FRMD6: variants seen among roughly 807,000 people sequenced by gnomAD.
The protein encoded by FRMD6 is FERM domain containing 6.
Under a neutral mutation model 73.2 loss-of-function variants are expected in FRMD6, and 37 were observed. The observed-to-expected ratio is 0.51, with a 90% CI of 0.39 to 0.66. The LOEUF (loss-of-function observed/expected upper bound fraction) is 0.66. Among genes scored for constraint, FRMD6 ranks in the 30% least tolerant of loss-of-function variants. FRMD6 has a pLI of 0.00. For synonymous variants in FRMD6, 273 were observed against 282.2 expected, an observed-to-expected ratio of 0.97 and a Z score of 0.33; for missense variants, 714 against 780.5, an observed-to-expected ratio of 0.91 and a Z score of 1.02.
At chr14:51,504,168 A>C (rs1056916440) in intron 1 of FRMD6, among the ~76,000 whole-genome samples, 2 of 152,066 alleles carry the variant, frequency 1.3e-5, no homozygotes, top group Admixed American at 1.3e-4. Context: ...TTTAACAGTC[A>C]GGCTACTCTA....
chr14:51,472,673 A>T, the FRMD6 span, among the ~76,000 whole-genome samples: 3 of 150,916 alleles, frequency 2.0e-5, no homozygotes. Context: ...CCTCCTTTTC[A>T]GTTCCTGAAT....
At chr14:51,638,238 C>T (rs765228603) in intron 2 of FRMD6, among the ~76,000 whole-genome samples, 6 of 152,078 alleles carry the variant, frequency 3.9e-5, no homozygotes, top group African/African-American at 7.2e-5. Flanking sequence ...GCTATGATCA[C>T]ACCACTGTAT....
In FRMD6 at chr14:51,722,071, G is replaced by A. The variant is rs767449282; in HGVS notation, c.1483G>A (p.Gly495Arg). 4.4e-5 allele frequency: 71 copies of A among 1,613,948 alleles called. No homozygotes were observed. The highest frequency in any genetic ancestry group is 5.9e-5 in the Non-Finnish European group (70 of 1,180,010). ...EDMLMSRKLNGHSGLIVKEIG... is the reference protein window; with the variant it reads ...EDMLMSRKLNRHSGLIVKEIG... ...CATGCTCATGTCGCGGAAGCTGAATGGACACTCTGGTGAGCTCTTACGGGA... is the reference window on the plus strand; with the variant it reads ...CATGCTCATGTCGCGGAAGCTGAATAGACACTCTGGTGAGCTCTTACGGGA... The change falls in exon 12 of 14, where the codon GGA becomes AGA. Residue 495 changes from glycine to arginine, a missense_variant. Transcript: ENST00000344768.
At chr14:51,588,535 C>T (rs941045072) in intron 2 of FRMD6, among the ~76,000 whole-genome samples, 1 of 152,144 alleles carries the variant, frequency 6.6e-6, no homozygotes, top group African/African-American at 2.4e-5. Flanking sequence ...GCTGAAATAT[C>T]TTCTACATCT....
intron 1 of FRMD6, among the ~76,000 whole-genome samples, chr14:51,535,952 C>T (rs964493095): frequency 6.6e-6 from 1 of 151,570 alleles, no homozygotes; most frequent in African/African-American, 2.4e-5. Context: ...ATCATCTTAT[C>T]ATGTGTTTAT....
At chr14:51,601,919 C>T (rs74052604) in intron 2 of FRMD6, among the ~76,000 whole-genome samples, 11,652 of 152,172 alleles carry the variant, frequency 0.077, 566 homozygotes, top group African/African-American at 0.11. Context: ...GTTGTTCTGC[C>T]TCCCTGATTA....
chr14:51,437,347 A>G, the FRMD6 span, among the ~76,000 whole-genome samples: 137,155 of 152,086 alleles, frequency 0.9, 62,061 homozygotes, highest in Non-Finnish European at 0.92. Flanking sequence ...CTGTCGCCCA[A>G]GCTGGAGTGC....
chr14:51,489,238 C>A (rs1255916020), exon 1 of FRMD6: 2 of 152,270 alleles, frequency 1.3e-5, no homozygotes, highest in East Asian at 3.9e-4. Flanking sequence ...GCACCCCACT[C>A]TGGCACTCAA....
At chr14:51,451,320 T>C in the FRMD6 span, among the ~76,000 whole-genome samples, 1 of 152,192 alleles carries the variant, frequency 6.6e-6, no homozygotes. Context: ...GGGACAGATA[T>C]CTCATGAAGG....
At chr14:51,688,786 AAAATTATTCTGCAAG>A (rs370228737) in intron 1 of FRMD6, among the ~76,000 whole-genome samples, 1 of 152,358 alleles carries the variant, frequency 6.6e-6, no homozygotes, top group Non-Finnish European at 1.5e-5. Flanking sequence ...CTACTGTTTT[AAAATTATTCTGCAAG>A]ATCTCACTAA....
At chr14:51,636,626 T>C (rs2140005211) in intron 2 of FRMD6, among the ~76,000 whole-genome samples, 1 of 152,222 alleles carries the variant, frequency 6.6e-6, no homozygotes, top group South Asian at 2.1e-4. Flanking sequence ...GCTGTCCAAG[T>C]GTTAGTTATC....
intron 1 of FRMD6, among the ~76,000 whole-genome samples, chr14:51,519,285 C>T (rs1884813487): frequency 6.6e-6 from 1 of 151,568 alleles, no homozygotes; most frequent in Admixed American, 6.6e-5. Flanking sequence ...CTGTCTCGAC[C>T]TCCCAAGTAG....
At chr14:51,450,476 C>T in the FRMD6 span, among the ~76,000 whole-genome samples, 1 of 152,122 alleles carries the variant, frequency 6.6e-6, no homozygotes. Flanking sequence ...AGAAGCTCTT[C>T]CAAATGAAGC....
At chr14:51,419,974 G>A in the FRMD6 span, among the ~76,000 whole-genome samples, 1 of 151,620 alleles carries the variant, frequency 6.6e-6, no homozygotes, top group Non-Finnish European at 1.5e-5. Flanking sequence ...GCCCTCGTTA[G>A]GTGTGGTCAT....
intron 1 of FRMD6, among the ~76,000 whole-genome samples, chr14:51,560,487 G>T (rs1887418555): frequency 6.6e-6 from 1 of 152,008 alleles, no homozygotes; most frequent in African/African-American, 2.4e-5. Flanking sequence ...ATCCTACTTT[G>T]TTTGTCTGTT....
upstream of FRMD6, chr14:51,651,790 C>A (rs1252532362): frequency 6.0e-5 from 6 of 100,560 alleles, no homozygotes; most frequent in Admixed American, 2.4e-4. Context: ...CCAGTTGGGG[C>A]GGGTCGGGGG....
intron 1 of FRMD6, among the ~76,000 whole-genome samples, chr14:51,534,399 G>C (rs1259018474): frequency 6.6e-6 from 1 of 152,196 alleles, no homozygotes; most frequent in African/African-American, 2.4e-5. Flanking sequence ...TGTTTCTTAT[G>C]ATGGTTGATT....
At chr14:51,550,587 C>CCA (rs1491079768) in intron 1 of FRMD6, among the ~76,000 whole-genome samples, 9 of 147,826 alleles carry the variant, frequency 6.1e-5, no homozygotes, top group Non-Finnish European at 1.4e-4. Context: ...GAGACCCCCC[C>CCA]GCCATGCTTA....
chr14:51,442,333 C>T, the FRMD6 span, among the ~76,000 whole-genome samples: 1 of 152,046 alleles, frequency 6.6e-6, no homozygotes, highest in African/African-American at 2.4e-5. Context: ...TTTCCTTTCT[C>T]TTCTCTCATT....
Sources: allele counts gnomAD v4.1 joint callset (sites outside exome capture counted in the v4.1 genomes callset), GRCh38; gene constraint gnomAD v4.1.1; transcripts MANE v1.5; gene names NCBI Gene and HGNC (gene_info 2026-07-23, HGNC 2026-07-21).